The following RADIL variants were observed in gnomAD, a reference collection of about 807,000 sequenced individuals.
RADIL encodes Rap associating with DIL domain.
A neutral mutation model predicts 97.6 loss-of-function variants in RADIL; 99 were observed. The ratio of observed to expected loss-of-function variants is 1.01; its 90% CI spans 0.86 to 1.20. The LOEUF (loss-of-function observed/expected upper bound fraction) is 1.20, where lower values mean the gene tolerates loss of function less well. RADIL is among the 50% of genes most tolerant of loss of function. The pLI, the probability that RADIL is intolerant of heterozygous loss-of-function variation, is 0.00. For synonymous variants in RADIL, 803 were observed against 691.8 expected, an observed-to-expected ratio of 1.16 and a Z score of -2.52; for missense variants, 1,765 against 1,498.9, an observed-to-expected ratio of 1.18 and a Z score of -2.93.
At chr7:4,827,516 C>A (rs568613988) in intron 5 of RADIL, among the ~76,000 whole-genome samples, 7 of 151,946 alleles carry the variant, frequency 4.6e-5, no homozygotes, top group African/African-American at 1.4e-4. Context: ...AAAAAATTAG[C>A]CGGGCGTGGT....
rs999656061 is a variant in RADIL, at chr7:4,821,738, C to A, written c.1615+656G>T. ...GGGCGAGGTGGCATGCTCCTGTAAT[C>A]CCAGGTACTCGGGAGGCTGAGGCAC... is the stretch of plus-strand genomic sequence containing the variant. On this transcript the variant is annotated intron_variant, in intron 6 of 14. Transcript: ENST00000399583. The surrounding 1 kb of genome is among the most constrained non-coding windows in gnomAD (Gnocchi z 5.2). 2.0e-5 allele frequency among the ~76,000 whole-genome samples: 3 copies of A among 152,084 alleles called. No individual in the cohort carries two copies. The highest frequency in any genetic ancestry group is 7.2e-5 in the African/African-American group (3 of 41,418).
At position 4,854,845 on chromosome 7, in the gene RADIL, C is replaced by A. The variant is rs1429192744; in HGVS notation, c.536-18240G>T. On this transcript the variant is annotated intron_variant, in intron 2 of 14. Coordinates refer to ENST00000399583, the MANE Select transcript of RADIL (RefSeq NM_018059.5). This position sits in a 1 kb window ranked among gnomAD's most constrained non-coding sequence, Gnocchi z 5.1. ...CCAACCTAAAAAGAATGCACTAGTT[C>A]CAGAGTCACATCAACCCTCCCAAGC... Among the ~76,000 whole-genome samples, 1 of 152,132 alleles carries A rather than the reference C, an allele frequency of 6.6e-6. No individual in the cohort carries two copies. Among genetic ancestry groups the A allele is most frequent in the Non-Finnish European group, 1.5e-5 (1 of 68,016 alleles).
chr7:4,811,236 T>A (rs1414281348), intron 9 of RADIL: 4 of 152,076 alleles, frequency 2.6e-5, no homozygotes, highest in Admixed American at 2.6e-4. Flanking sequence ...AACAACAAAA[T>A]CTGTAACTGG....
Position 4,834,744 on chromosome 7 carries a change from G to A in RADIL, c.1279C>T (p.Pro427Ser). The A allele has an allele frequency of 2.1e-6, 3 of 1,410,518 alleles. No individual in the cohort carries two copies. Among genetic ancestry groups the A allele is most frequent in the Non-Finnish European group, 1.9e-6 (2 of 1,075,138 alleles). The allele number at this position is 1,410,518 out of a possible 1,614,324, so 87.4% of individuals were successfully genotyped here. The change falls in exon 4 of 15, where the codon CCG becomes TCG. Residue 427 changes from proline (P) to serine (S), a missense_variant. Pro to Ser is a moderately conservative substitution (Grantham distance 74). Transcript: ENST00000399583. This position sits in a 1 kb window ranked among gnomAD's most constrained non-coding sequence, Gnocchi z 6.0. The stretch of plus-strand genomic sequence containing the variant: ...GTCAGCTTGTGGTCGTCGCCCCCCG[G>A]CTCGATCAACGTCATGATCCTCTGC... Reference protein sequence around the residue: ...LLQRIMTLIEPGGDDHKLTPA... With the variant: ...LLQRIMTLIESGGDDHKLTPA...
chr7:4,826,603 CGT>C (rs1782986206), intron 5 of RADIL, among the ~76,000 whole-genome samples: 1 of 151,402 alleles, frequency 6.6e-6, no homozygotes, highest in African/African-American at 2.4e-5. Flanking sequence ...CGTGGTGGCG[CGT>C]GCCTGTAATC....
At chr7:4,843,347 C>T (rs958613013) in intron 2 of RADIL, among the ~76,000 whole-genome samples, 9 of 152,008 alleles carry the variant, frequency 5.9e-5, no homozygotes, top group African/African-American at 1.9e-4. Flanking sequence ...TAGTAACAAC[C>T]GGGGACGCGC....
chr7:4,855,567 C>T (rs1467004915), intron 2 of RADIL, among the ~76,000 whole-genome samples: 2 of 147,264 alleles, frequency 1.4e-5, no homozygotes, highest in African/African-American at 2.5e-5. Flanking sequence ...TTCGAGTTTC[C>T]GTTGCTCCTC....
chr7:4,835,646 C>T lies in RADIL; in HGVS notation c.784-407G>A, dbSNP rs773093923. On this transcript the variant is annotated intron_variant, in intron 3 of 14. Coordinates refer to ENST00000399583, the MANE Select transcript of RADIL (RefSeq NM_018059.5). The surrounding 1 kb of genome is among the most constrained non-coding windows in gnomAD (Gnocchi z 5.8). ...ACCACCCCCAGTGTGGGAGCACTGC[C>T]GCCTGTGTGAGAGCACTGCCCCGAG... Among the ~76,000 whole-genome samples the T allele has an allele frequency of 1.7e-4, 26 of 152,044 alleles. No homozygotes were observed. The highest frequency in any genetic ancestry group is 2.6e-4 in the Non-Finnish European group (18 of 67,956).
Position 4,872,399 on chromosome 7 carries a change from C to A in RADIL, c.535+5206G>T, listed in dbSNP as rs796745201. On this transcript the variant is annotated intron_variant, in intron 2 of 14. Transcript: ENST00000399583. The surrounding 1 kb of genome is among the most constrained non-coding windows in gnomAD (Gnocchi z 5.8). ...GCAAGGAAGGCCAGCCCTCCCCGGG[C>A]TCTGCGCGGGTTTAACACTTACCCC... Among the ~76,000 whole-genome samples, 2 of 152,312 alleles carry A rather than the reference C, an allele frequency of 1.3e-5. No individual in the cohort carries two copies. Among genetic ancestry groups the A allele is most frequent in the South Asian group, 4.1e-4 (2 of 4,826 alleles).
At chr7:4,838,137 G>A (rs142273779) in intron 2 of RADIL, 17,772 of 867,242 alleles carry the variant, frequency 0.02, 206 homozygotes, top group Middle Eastern at 0.035. Context: ...CTCACCACCC[G>A]TGCTCCTGCC....
intron 2 of RADIL, chr7:4,861,860 G>A (rs774932727): frequency 6.5e-3 from 3,503 of 541,046 alleles, no homozygotes; most frequent in Non-Finnish European, 7.3e-3. Flanking sequence ...CGCGACCTTC[G>A]CGGCCGCCGC....
Position 4,877,786 on chromosome 7 carries a change from T to C in RADIL, c.354A>G (p.Gln118=). The change falls in exon 2 of 15, where the codon CAA becomes CAG. Residue 118 remains glutamine (Q), a synonymous_variant. Transcript: ENST00000399583. ...GCCACCGCTGCCCAGCATCGCCGGCTTGGCCCACCACGTCACACAGCACGT... is the reference window on the plus strand; with the variant it reads ...GCCACCGCTGCCCAGCATCGCCGGCCTGGCCCACCACGTCACACAGCACGT... The part of the protein sequence containing the change: ...GQYVLCDVVG[Q]AGDAGQRWQA... The C allele has an allele frequency of 1.2e-6, 2 of 1,612,162 alleles. No homozygotes were observed. The highest frequency in any genetic ancestry group is 1.7e-6 in the Non-Finnish European group (2 of 1,179,952).
At chr7:4,862,405 C>T (rs1034633776) in intron 2 of RADIL, among the ~76,000 whole-genome samples, 2 of 152,176 alleles carry the variant, frequency 1.3e-5, no homozygotes, top group East Asian at 3.9e-4. Context: ...ATTGGTTTAG[C>T]TGGGGCAGCA....
intron 2 of RADIL, chr7:4,861,770 GGCT>G: frequency 6.7e-7 from 1 of 1,485,872 alleles, no homozygotes; most frequent in Admixed American, 2.5e-5. Flanking sequence ...CGGCGGCGCC[GGCT>G]GCGGTGGTCC....
Position 4,849,697 on chromosome 7 carries a change from T to C in RADIL, c.536-13092A>G, listed in dbSNP as rs925866197. Among the ~76,000 whole-genome samples the C allele has an allele frequency of 6.6e-6, 1 of 152,076 alleles. No homozygotes were observed. The highest frequency in any genetic ancestry group is 2.4e-5 in the African/African-American group (1 of 41,402). On this transcript the variant is annotated intron_variant, in intron 2 of 14. Coordinates refer to ENST00000399583, the MANE Select transcript of RADIL (RefSeq NM_018059.5). This position sits in a 1 kb window ranked among gnomAD's most constrained non-coding sequence, Gnocchi z 5.4. ...CCAATCCTCTTGAGGACAAAGAAAA[T>C]GATACTGTGTGGGGAGTGTGGACAG...
chr7:4,803,417 C>A (rs1318535768), intron 11 of RADIL, 129 bp downstream of exon 11: 1 of 752,288 alleles, frequency 1.3e-6, no homozygotes, highest in Non-Finnish European at 2.0e-6. Context: ...CTGGCTGGGC[C>A]CCCTCCCCGG....
At position 4,878,024 on chromosome 7, in the gene RADIL, A is replaced by G. The variant is rs757335722; in HGVS notation, c.116T>C (p.Leu39Pro). The G allele has an allele frequency of 6.2e-7, 1 of 1,609,724 alleles. No homozygotes were observed. Residue 39 changes from leucine (L) to proline (P), a missense_variant, in exon 2 of 15, where the codon CTG becomes CCG. Leu to Pro is a moderately conservative substitution (Grantham distance 98). Coordinates refer to ENST00000399583, the MANE Select transcript of RADIL (RefSeq NM_018059.5). This position sits in a 1 kb window ranked among gnomAD's most constrained non-coding sequence, Gnocchi z 4.1. ...GCCCAGGCTGGAGAAGGTGGAGTCC[A>G]GGTCCCGGTACTTGTAGCTCAGCGT... ...SRTLSYKYRD[L>P]DSTFSSLGAS... is the part of the protein sequence containing the mutation.
At chr7:4,845,671 A>AT (rs889281165) in intron 2 of RADIL, among the ~76,000 whole-genome samples, 1 of 152,026 alleles carries the variant, frequency 6.6e-6, no homozygotes, top group Non-Finnish European at 1.5e-5. Flanking sequence ...GGAAGAAATT[A>AT]TTTTTTTACA....
In RADIL at chr7:4,836,350, A is replaced by T; in HGVS notation, c.783+8T>A. 1.3e-6 allele frequency: 2 copies of T among 1,567,962 alleles called. No homozygotes were observed. Among genetic ancestry groups the T allele is most frequent in the Non-Finnish European group, 1.7e-6 (2 of 1,156,332 alleles). On this transcript the variant is annotated splice_region_variant and intron_variant, in intron 3 of 14. Coordinates refer to ENST00000399583, the MANE Select transcript of RADIL (RefSeq NM_018059.5). The stretch of plus-strand genomic sequence containing the variant: ...ACCGGGCAGTGGGTGTCAGGAGGGG[A>T]GGCTCACGTGCTGCTGGCTGTAGCC...
Sources: allele counts gnomAD v4.1 joint callset (sites outside exome capture counted in the v4.1 genomes callset), GRCh38; gene constraint gnomAD v4.1.1; non-coding constraint Gnocchi (gnomAD v3.1); transcripts MANE v1.5; gene names NCBI Gene and HGNC (gene_info 2026-07-23, HGNC 2026-07-21).